FRY: variants seen among roughly 807,000 people sequenced by gnomAD.
FRY encodes FRY microtubule binding protein.
Under a neutral mutation model 348.4 loss-of-function variants are expected in FRY, and 128 were observed. The observed-to-expected ratio is 0.37, with a 90% CI of 0.32 to 0.43. The LOEUF is 0.43. Ranked by LOEUF, FRY falls within the 20% of genes least tolerant of loss-of-function variation. The pLI, the probability that FRY is intolerant of heterozygous loss-of-function variation, is 1.00. For missense variants in FRY, 2,736 were observed against 3,695.2 expected (o/e 0.74, Z 6.73); for synonymous variants, 1,370 against 1,374.7 (o/e 1.00, Z 0.08).
At chr13:32,081,346 A>G (rs1019351647) in intron 2 of FRY, among the ~76,000 whole-genome samples, 6 of 152,192 alleles carry the variant, frequency 3.9e-5, no homozygotes, top group Non-Finnish European at 8.8e-5. Flanking sequence ...TTATAAAAAG[A>G]GACTTTTTTG....
intron 31 of FRY, 25 bp from the exon 32 acceptor site, chr13:32,208,826 ACT>A: frequency 6.2e-7 from 1 of 1,613,430 alleles, no homozygotes; most frequent in East Asian, 2.2e-5. Flanking sequence ...GGTATGGATG[ACT>A]CTCTGTCACT....
intron 2 of FRY, among the ~76,000 whole-genome samples, chr13:32,084,922 T>C (rs547368837): frequency 1.3e-5 from 2 of 152,198 alleles, no homozygotes; most frequent in South Asian, 4.1e-4. Flanking sequence ...ACATATCCCA[T>C]GTCCCCATGT....
intron 17 of FRY, among the ~76,000 whole-genome samples, chr13:32,166,009 G>C (rs1391485681): frequency 6.6e-6 from 1 of 152,180 alleles, no homozygotes; most frequent in Non-Finnish European, 1.5e-5. Flanking sequence ...TGGCACACGT[G>C]GCCTGTGCAG....
chr13:32,239,189 C>T lies in FRY; in HGVS notation c.6419-63C>T, dbSNP rs1886377147. Reference sequence around the variant, plus strand: ...AGTATAAAAATCTGTAACATGCCTTCCCACTGTTAACAGCTAAAATATACC... The same window carrying T: ...AGTATAAAAATCTGTAACATGCCTTTCCACTGTTAACAGCTAAAATATACC... On this transcript the variant is annotated intron_variant, in intron 44 of 60. Transcript: ENST00000542859. This position sits in a 1 kb window ranked among gnomAD's most constrained non-coding sequence, Gnocchi z 4.3. The T allele has an allele frequency of 2.9e-6, 3 of 1,023,100 alleles. No homozygotes were observed. In the Admixed American group the frequency reaches 5.1e-5, roughly 17 times the overall value. The allele number at this position is 1,023,100 out of a possible 1,614,324, so 63.4% of individuals were successfully genotyped here.
chr13:32,127,152 GTAA>G (rs1358627499), intron 7 of FRY, among the ~76,000 whole-genome samples: 1 of 152,112 alleles, frequency 6.6e-6, no homozygotes, highest in Non-Finnish European at 1.5e-5. Context: ...CATTTAAATA[GTAA>G]TAATACTTCA....
chr13:32,193,631 C>G (rs1413565962), intron 28 of FRY, among the ~76,000 whole-genome samples: 6 of 133,008 alleles, frequency 4.5e-5, no homozygotes, highest in Admixed American at 8.7e-5. Flanking sequence ...TGTCACCCAG[C>G]CTGGAGTGCA....
At chr13:32,187,784 T>C (rs1307795138) in intron 28 of FRY, 128 bp downstream of exon 28, 7 of 685,590 alleles carry the variant, frequency 1.0e-5, no homozygotes, top group African/African-American at 1.8e-5. Flanking sequence ...TAGATTTATG[T>C]GTTGTTTGCT....
At chr13:32,162,047 T>C (rs1268846221) in intron 17 of FRY, among the ~76,000 whole-genome samples, 1 of 152,142 alleles carries the variant, frequency 6.6e-6, no homozygotes, top group Non-Finnish European at 1.5e-5. Flanking sequence ...ACAAAAGTCA[T>C]TGGTTTGGAG....
At chr13:32,174,811 T>G (rs1882280699) in intron 19 of FRY, among the ~76,000 whole-genome samples, 1 of 152,160 alleles carries the variant, frequency 6.6e-6, no homozygotes. Flanking sequence ...AATAATTTTA[T>G]ATTTTCCAAT....
intron 39 of FRY, among the ~76,000 whole-genome samples, chr13:32,227,781 T>A (rs1885663303): frequency 6.8e-6 from 1 of 148,136 alleles, no homozygotes; most frequent in African/African-American, 2.5e-5. Context: ...AGACAGAGTC[T>A]CACTCTGTCT....
At chr13:32,073,843 T>C (rs770558516) in intron 1 of FRY, among the ~76,000 whole-genome samples, 13 of 152,200 alleles carry the variant, frequency 8.5e-5, no homozygotes, top group East Asian at 1.9e-4. Flanking sequence ...AGGGCTCTTA[T>C]ATGAGGACGC....
chr13:32,275,324 C>T (rs965278170), intron 56 of FRY, among the ~76,000 whole-genome samples: 2 of 151,158 alleles, frequency 1.3e-5, no homozygotes, highest in Middle Eastern at 3.2e-3. Flanking sequence ...GGGGGCAGAG[C>T]TTGCAGTGAG....
chr13:32,275,069 G>A (rs548697903), intron 56 of FRY, 78 bp downstream of exon 56: 113 of 1,328,528 alleles, frequency 8.5e-5, no homozygotes, highest in Middle Eastern at 3.6e-4. Flanking sequence ...GCATGTTTGC[G>A]CTGTGGTTTG....
rs932351228 is a variant in FRY at position 32,254,293 on chromosome 13, G to A, written c.7315G>A (p.Gly2439Ser). Residue 2439 changes from glycine to serine, a missense_variant, in exon 51 of 61, where the codon GGT (glycine) becomes AGT (serine). By Grantham distance (56) the Gly-to-Ser change is moderately conservative. This residue lies in a region of FRY where 789 missense variants were observed against 996.2 expected (regional missense o/e 0.79). Transcript: ENST00000542859. ...GACAAGCTTGGTATCTTCTGAGGAC[G>A]GTGCCCGAGAGCAGGAGAACATGGA... ...HQTSLVSSED[G>S]AREQENMDDT... is the part of the protein sequence containing the mutation. The A allele has an allele frequency of 9.3e-6, 15 of 1,613,874 alleles. No individual in the cohort carries two copies. The highest frequency in any genetic ancestry group is 3.3e-5 in the Admixed American group (2 of 59,984).
rs547797419 is a variant in FRY, at chr13:32,287,096, C to T, written c.8470-2537C>T. ...AGGAGAATCGCTTGAACCCAGGAGG[C>T]GGAGGTTGCAATGAGCCAAAATCGT... is the stretch of plus-strand genomic sequence containing the variant. On this transcript the variant is annotated intron_variant, in intron 58 of 60. Transcript: ENST00000542859. Among the ~76,000 whole-genome samples, 5 of 149,410 alleles carry T rather than the reference C, an allele frequency of 3.3e-5. No homozygotes were observed. In the Admixed American group the frequency reaches 3.4e-4, roughly 10 times the overall value.
At chr13:32,097,028 A>T (rs1164185827) in intron 2 of FRY, among the ~76,000 whole-genome samples, 1 of 152,108 alleles carries the variant, frequency 6.6e-6, no homozygotes, top group Non-Finnish European at 1.5e-5. Context: ...AAAATGTGTA[A>T]GTGTAAAATA....
intron 2 of FRY, among the ~76,000 whole-genome samples, chr13:32,098,336 A>G (rs1172141313): frequency 6.6e-6 from 1 of 152,058 alleles, no homozygotes; most frequent in African/African-American, 2.4e-5. Context: ...ATCAGGTGGA[A>G]TGCTGCATGT....
Position 32,225,011 on chromosome 13 carries a change from A to G in FRY, c.4995A>G (p.Pro1665=), listed in dbSNP as rs773818145. The G allele has an allele frequency of 3.1e-6, 5 of 1,605,508 alleles. No homozygotes were observed. The highest frequency in any genetic ancestry group is 4.3e-6 in the Non-Finnish European group (5 of 1,172,062). ...GAGAAGACTGGGCGCTTCATCTACC[A>G]TTATTACTTCATGCTGTCTTCTTAG... The part of the protein sequence containing the change: ...SVREDWALHL[P]LLLHAVFLGL... The change falls in exon 38 of 61, where the codon CCA becomes CCG. Residue 1665 remains proline (P), a synonymous_variant. Transcript: ENST00000542859.
intron 3 of FRY, among the ~76,000 whole-genome samples, chr13:32,112,757 T>A (rs1053306845): frequency 6.6e-6 from 1 of 152,252 alleles, no homozygotes; most frequent in Non-Finnish European, 1.5e-5. Flanking sequence ...AAATACTATC[T>A]GTAAACAGGA....
Sources: allele counts gnomAD v4.1 joint callset (sites outside exome capture counted in the v4.1 genomes callset), GRCh38; gene constraint gnomAD v4.1.1; regional missense constraint gnomAD v4.1.1; non-coding constraint Gnocchi (gnomAD v3.1); transcripts MANE v1.5; gene names NCBI Gene and HGNC (gene_info 2026-07-23, HGNC 2026-07-21).